The following MCC variants were observed in gnomAD, a reference collection of about 807,000 sequenced individuals.
MCC encodes MCC regulator of Wnt signaling pathway.
Under a neutral mutation model 116.2 loss-of-function variants are expected in MCC, and 90 were observed. That is an observed-to-expected ratio of 0.77 (90% confidence interval 0.65 to 0.92). The LOEUF (loss-of-function observed/expected upper bound fraction) is 0.92. Among genes scored for constraint, MCC ranks in the 40% least tolerant of loss-of-function variants. The pLI, the probability that MCC is intolerant of heterozygous loss-of-function variation, is 0.00. For missense variants in MCC, 1,516 were observed against 1,312.2 expected (o/e 1.16, Z -2.40); for synonymous variants, 578 against 510.5 (o/e 1.13, Z -1.78).
intron 5 of MCC, among the ~76,000 whole-genome samples, chr5:113,140,246 C>A (rs1237625595): frequency 9.9e-5 from 15 of 152,142 alleles, no homozygotes; most frequent in Admixed American, 9.8e-4. Context: ...TATTTGCCAC[C>A]TCCTACCTGG....
At chr5:113,042,617 T>A (rs1186733374) in intron 17 of MCC, among the ~76,000 whole-genome samples, 1 of 151,082 alleles carries the variant, frequency 6.6e-6, no homozygotes, top group Non-Finnish European at 1.5e-5. Flanking sequence ...AACTAAAGAA[T>A]AAATTAGTGA....
chr5:113,139,995 G>C (rs1029458050), intron 5 of MCC, among the ~76,000 whole-genome samples: 2 of 152,192 alleles, frequency 1.3e-5, no homozygotes, highest in Non-Finnish European at 2.9e-5. Flanking sequence ...ACAACTTACA[G>C]AATGGGAGAA....
intron 1 of MCC, among the ~76,000 whole-genome samples, chr5:113,455,863 T>C (rs1771528263): frequency 6.6e-6 from 1 of 152,192 alleles, no homozygotes; most frequent in Non-Finnish European, 1.5e-5. Context: ...GTATTCAGAA[T>C]TGCAGATAAA....
chr5:113,248,600 C>T (rs542200628), intron 3 of MCC, among the ~76,000 whole-genome samples: 9 of 152,232 alleles, frequency 5.9e-5, no homozygotes, highest in African/African-American at 1.7e-4. Context: ...TCCCAAATTT[C>T]CCTAGTGTTG....
chr5:113,429,515 A>C (rs1770572227), intron 1 of MCC, among the ~76,000 whole-genome samples: 1 of 152,350 alleles, frequency 6.6e-6, no homozygotes, highest in East Asian at 1.9e-4. Context: ...CATGTAATGC[A>C]AGTAAACTAA....
intron 3 of MCC, among the ~76,000 whole-genome samples, chr5:113,277,003 A>G (rs1025678345): frequency 3.9e-5 from 6 of 151,904 alleles, no homozygotes; most frequent in African/African-American, 1.5e-4. Context: ...GCAGAATATG[A>G]TTCTTTAAAA....
chr5:113,352,111 T>G (rs1461994836), intron 2 of MCC, among the ~76,000 whole-genome samples: 1 of 152,164 alleles, frequency 6.6e-6, no homozygotes, highest in African/African-American at 2.4e-5. Flanking sequence ...TAAAGGGAAG[T>G]GGACTTTTAA....
At chr5:113,306,692 G>C (rs1005978265) in intron 3 of MCC, among the ~76,000 whole-genome samples, 3 of 151,806 alleles carry the variant, frequency 2.0e-5, no homozygotes, top group African/African-American at 7.3e-5. Context: ...TCTTGGTAGA[G>C]CCCTTTGAAA....
intron 13 of MCC, among the ~76,000 whole-genome samples, chr5:113,065,852 C>T (rs544789399): frequency 4.6e-5 from 7 of 152,174 alleles, no homozygotes; most frequent in South Asian, 2.1e-4. Flanking sequence ...AATGCAAGGG[C>T]GAGGCTTAAT....
intron 3 of MCC, among the ~76,000 whole-genome samples, chr5:113,180,269 C>T (rs564516090): frequency 1.3e-5 from 2 of 152,218 alleles, no homozygotes; most frequent in East Asian, 3.9e-4. Flanking sequence ...CCCTGTCTCC[C>T]GTGCTTCCAA....
At chr5:113,361,171 G>A (rs755680544) in intron 2 of MCC, among the ~76,000 whole-genome samples, 16 of 150,538 alleles carry the variant, frequency 1.1e-4, no homozygotes, top group Non-Finnish European at 1.5e-4. Context: ...CTTTCTAATC[G>A]TCTTTTTTTT....
At chr5:113,445,600 A>G (rs1353355294) in intron 1 of MCC, among the ~76,000 whole-genome samples, 1 of 152,326 alleles carries the variant, frequency 6.6e-6, no homozygotes, top group South Asian at 2.1e-4. Flanking sequence ...CATAGGTGAC[A>G]CAAAGGGAAA....
intron 3 of MCC, among the ~76,000 whole-genome samples, chr5:113,173,375 ATAATTATAGCTACATCTTTATG>A (rs958041617): frequency 6.6e-5 from 10 of 152,202 alleles, no homozygotes; most frequent in Non-Finnish European, 1.3e-4. Flanking sequence ...TTACTACTGA[ATAATTATAGCTACATCTTTATG>A]TTACTCTAAA....
At chr5:113,371,143 C>T (rs1768828415) in intron 2 of MCC, among the ~76,000 whole-genome samples, 1 of 152,164 alleles carries the variant, frequency 6.6e-6, no homozygotes, top group Non-Finnish European at 1.5e-5. Flanking sequence ...ATCACTTGAA[C>T]CTGGTAGGCG....
chr5:113,206,509 G>A (rs913136042), intron 3 of MCC, among the ~76,000 whole-genome samples: 3 of 152,192 alleles, frequency 2.0e-5, no homozygotes, highest in Non-Finnish European at 4.4e-5. Context: ...GAGGCCAGAA[G>A]TTCAAGACCA....
intron 11 of MCC, among the ~76,000 whole-genome samples, chr5:113,072,341 T>C (rs186635753): frequency 6.6e-6 from 1 of 152,182 alleles, no homozygotes; most frequent in Non-Finnish European, 1.5e-5. Context: ...CATTCCAAGG[T>C]CACTTCAAGG....
intron 3 of MCC, among the ~76,000 whole-genome samples, chr5:113,267,602 T>C (rs1765467974): frequency 6.6e-6 from 1 of 152,174 alleles, no homozygotes; most frequent in Non-Finnish European, 1.5e-5. Flanking sequence ...TGAGATATGC[T>C]ACAGCATGAT....
chr5:113,138,221 G>C (rs896326759), intron 5 of MCC, among the ~76,000 whole-genome samples: 1 of 151,998 alleles, frequency 6.6e-6, no homozygotes, highest in Admixed American at 6.5e-5. Flanking sequence ...GTGTTGGCTA[G>C]GCTGATCTCA....
At chr5:113,450,929 A>T (rs1771374036) in intron 1 of MCC, among the ~76,000 whole-genome samples, 2 of 152,250 alleles carry the variant, frequency 1.3e-5, no homozygotes, top group South Asian at 2.1e-4. Context: ...TGTAGGTTGT[A>T]ATTCATCCTT....
Sources: allele counts gnomAD v4.1 joint callset (sites outside exome capture counted in the v4.1 genomes callset), GRCh38; gene constraint gnomAD v4.1.1; transcripts MANE v1.5; gene names NCBI Gene and HGNC (gene_info 2026-07-23, HGNC 2026-07-21).